The following DPF3 variants were observed in gnomAD, a reference collection of about 807,000 sequenced individuals.
The protein encoded by DPF3 is double PHD fingers 3.
A neutral mutation model predicts 56.8 loss-of-function variants in DPF3; 18 were observed. The ratio of observed to expected loss-of-function variants is 0.32; its 90% confidence interval spans 0.22 to 0.47. The LOEUF (loss-of-function observed/expected upper bound fraction) is 0.47. Ranked by LOEUF, DPF3 falls within the 20% of genes least tolerant of loss-of-function variation. The probability of loss-of-function intolerance (pLI) is 1.00; values close to 1 mark genes in which losing one functional copy is unlikely to be tolerated. For missense variants in DPF3, 403 were observed against 488.8 expected (o/e 0.82, Z 1.65); for synonymous variants, 188 against 180.2 (o/e 1.04, Z -0.35).
At chr14:72,811,724 C>T (rs1883052677) in intron 1 of DPF3, among the ~76,000 whole-genome samples, 1 of 152,202 alleles carries the variant, frequency 6.6e-6, no homozygotes, top group African/African-American at 2.4e-5. Context: ...CCTTCCAGAG[C>T]TCCTAGGCAC....
chr14:72,633,487 G>C (rs1373837248), intron 8 of DPF3, among the ~76,000 whole-genome samples: 1 of 152,144 alleles, frequency 6.6e-6, no homozygotes, highest in Non-Finnish European at 1.5e-5. Flanking sequence ...GCAAAGGAAA[G>C]AGAGAAACAT....
intron 1 of DPF3, among the ~76,000 whole-genome samples, chr14:72,793,261 C>T (rs1567234505): frequency 6.6e-6 from 1 of 152,214 alleles, no homozygotes; most frequent in Non-Finnish European, 1.5e-5. Context: ...GGCAGCATTG[C>T]CCCATGTGGA....
At chr14:72,774,327 G>T (rs1224586965) in intron 1 of DPF3, among the ~76,000 whole-genome samples, 2 of 140,734 alleles carry the variant, frequency 1.4e-5, no homozygotes, top group African/African-American at 2.7e-5. Context: ...CTCAGGAGTA[G>T]AATTGCTGAG....
At position 72,894,068 on chromosome 14, in the gene DPF3, G is replaced by A. The variant is rs1234047647; in HGVS notation, c.21C>T (p.Asn7=). MATVIH[N]PLKALGDQFY... is the part of the protein sequence containing the mutation. ...TTAGTCTTACTTACGCTTTCAGGGGGTTGTGAATGACAGTCGCCATTTTGC... is the reference window on the plus strand; with the variant it reads ...TTAGTCTTACTTACGCTTTCAGGGGATTGTGAATGACAGTCGCCATTTTGC... The change falls in exon 1 of 11, where the codon AAC becomes AAT. Residue 7 remains asparagine, a synonymous_variant. Transcript: ENST00000556509. 4.3e-6 allele frequency: 7 copies of A among 1,609,712 alleles called. No individual in the cohort carries two copies. The highest frequency in any genetic ancestry group is 2.7e-5 in the African/African-American group (2 of 74,620).
intron 7 of DPF3, among the ~76,000 whole-genome samples, chr14:72,675,175 G>T (rs933125362): frequency 1.3e-5 from 2 of 152,186 alleles, no homozygotes; most frequent in African/African-American, 4.8e-5. Flanking sequence ...TTAAACAAAA[G>T]CAAAGAAAAA....
chr14:72,829,909 A>G lies in DPF3; in HGVS notation c.33-58016T>C, dbSNP rs1045013477. 1.4e-4 allele frequency among the ~76,000 whole-genome samples: 21 copies of G among 152,056 alleles called. No homozygotes were observed. In the East Asian group the frequency reaches 4.1e-3, roughly 29 times the overall value. On this transcript the variant is annotated intron_variant, in intron 1 of 10. Coordinates refer to ENST00000556509, the MANE Select transcript of DPF3 (RefSeq NM_001280542.3). The stretch of plus-strand genomic sequence containing the variant: ...AGGCGCCTGCTACCACACCCAGCTA[A>G]CTTTTTTGTATTTTTTAGTAGAGAT...
intron 1 of DPF3, among the ~76,000 whole-genome samples, chr14:72,884,205 G>A (rs1192608433): frequency 6.6e-6 from 1 of 152,126 alleles, no homozygotes. Flanking sequence ...AATGAAATGA[G>A]GGTTTCCCCT....
At chr14:72,688,524 G>A (rs183507216) in intron 7 of DPF3, among the ~76,000 whole-genome samples, 11,586 of 152,168 alleles carry the variant, frequency 0.076, 1,088 homozygotes, top group African/African-American at 0.22. Flanking sequence ...AACATCACAA[G>A]CCTATGTTAA....
At chr14:72,826,431 C>G (rs1308914723) in intron 1 of DPF3, among the ~76,000 whole-genome samples, 3 of 152,168 alleles carry the variant, frequency 2.0e-5, no homozygotes. Flanking sequence ...AGCAAGGGAT[C>G]CAGCCCCTAG....
At chr14:72,854,509 G>C (rs945560892) in intron 1 of DPF3, among the ~76,000 whole-genome samples, 20 of 152,152 alleles carry the variant, frequency 1.3e-4, no homozygotes, top group African/African-American at 4.8e-4. Context: ...ACCTCAAAGG[G>C]CCCTTTCCAG....
In DPF3 at chr14:72,670,401, G is replaced by A. The variant is rs1232312136; in HGVS notation, c.871+3839C>T. ...CCAGGAGGCGGCTGGTCAGGGCCCAGGTGTGGAGGGAGGCCAGGCATAGGC... is the reference window on the plus strand; with the variant it reads ...CCAGGAGGCGGCTGGTCAGGGCCCAAGTGTGGAGGGAGGCCAGGCATAGGC... On this transcript the variant is annotated intron_variant, in intron 8 of 10. Transcript: ENST00000556509. 2.4e-5 allele frequency: 24 copies of A among 985,986 alleles called. No homozygotes were observed. In the East Asian group the frequency reaches 1.6e-3, roughly 65 times the overall value. 61.1% of individuals were successfully genotyped at this position (985,986 alleles called of 1,614,324 possible).
intron 7 of DPF3, among the ~76,000 whole-genome samples, chr14:72,675,061 C>T (rs1303379317): frequency 6.6e-6 from 1 of 152,178 alleles, no homozygotes; most frequent in Non-Finnish European, 1.5e-5. Context: ...CAGCCTCATG[C>T]CAGAGATGGA....
chr14:72,688,909 T>C (rs924959217), intron 7 of DPF3, among the ~76,000 whole-genome samples: 1 of 152,180 alleles, frequency 6.6e-6, no homozygotes, highest in Non-Finnish European at 1.5e-5. Flanking sequence ...CAAGCATCCC[T>C]GGCTTCCTGT....
chr14:72,716,206 G>A (rs558391024), intron 5 of DPF3, among the ~76,000 whole-genome samples: 1 of 152,170 alleles, frequency 6.6e-6, no homozygotes, highest in South Asian at 2.1e-4. Flanking sequence ...GAGGGCTTCT[G>A]GGGGAGCTGC....
Position 72,610,669 on chromosome 14 carries a change from C to T in DPF3, c.*8628G>A, listed in dbSNP as rs993375605. 6.6e-6 allele frequency among the ~76,000 whole-genome samples: 1 copy of T among 152,160 alleles called. No homozygotes were observed. Among genetic ancestry groups the T allele is most frequent in the African/African-American group, 2.4e-5 (1 of 41,422 alleles). ...ACAGCACAGCATCAGGCCAGGAAGG[C>T]GCCTGATGAGACCGTGTTCTCAGCC... On this transcript the variant is annotated 3_prime_UTR_variant, in exon 11 of 11. Coordinates refer to ENST00000556509, the MANE Select transcript of DPF3 (RefSeq NM_001280542.3).
chr14:72,891,380 C>T (rs968294212), intron 1 of DPF3, among the ~76,000 whole-genome samples: 7 of 150,770 alleles, frequency 4.6e-5, no homozygotes, highest in Non-Finnish European at 1.0e-4. Flanking sequence ...TGTCGTTCAG[C>T]TCTGTTTCAT....
At chr14:72,747,296 C>A (rs1319498705) in intron 3 of DPF3, among the ~76,000 whole-genome samples, 1 of 152,166 alleles carries the variant, frequency 6.6e-6, no homozygotes, top group Non-Finnish European at 1.5e-5. Context: ...GATGATTAAC[C>A]AGAGTGTCCC....
chr14:72,744,932 C>T (rs1248141884), intron 3 of DPF3, among the ~76,000 whole-genome samples: 3 of 152,140 alleles, frequency 2.0e-5, no homozygotes, highest in Non-Finnish European at 2.9e-5. Flanking sequence ...CTCCCTCTTC[C>T]CGGAGGAGAT....
At chr14:72,641,630 G>A (rs1885568148) in intron 8 of DPF3, among the ~76,000 whole-genome samples, 1 of 152,224 alleles carries the variant, frequency 6.6e-6, no homozygotes, top group African/African-American at 2.4e-5. Flanking sequence ...GCCAAAGGTA[G>A]GAGGAGCAGC....
Sources: allele counts gnomAD v4.1 joint callset (sites outside exome capture counted in the v4.1 genomes callset), GRCh38; gene constraint gnomAD v4.1.1; transcripts MANE v1.5; gene names NCBI Gene and HGNC (gene_info 2026-07-23, HGNC 2026-07-21).